The following FRMD5 variants were observed in gnomAD, a reference collection of about 807,000 sequenced individuals.
FRMD5 encodes the protein FERM domain containing 5.
A neutral mutation model predicts 69.0 loss-of-function variants in FRMD5; 20 were observed. The ratio of observed to expected loss-of-function variants is 0.29; its 90% CI spans 0.20 to 0.42. The LOEUF is 0.42. FRMD5 is among the 10% of genes least tolerant of loss of function. The pLI is 1.00. For missense variants in FRMD5, 595 were observed against 708.6 expected, an observed-to-expected ratio of 0.84 and a Z score of 1.82; for synonymous variants, 271 against 260.1, an observed-to-expected ratio of 1.04 and a Z score of -0.40.
chr15:43,924,207 G>C lies in FRMD5; in HGVS notation c.205C>G (p.Arg69Gly). 1 of 1,608,862 alleles carries C rather than the reference G, an allele frequency of 6.2e-7. No homozygotes were observed. The highest frequency in any genetic ancestry group is 1.7e-5 in the Admixed American group (1 of 60,002). ...GIRFVDPDKQ[R>G]HWLEFTKSVV... ...TTGTGCTTTGAATATTGACTTACCC[G>C]CTGCTTATCTGGGTCTACAAAGCGG... Residue 69 changes from arginine (R) to glycine (G), a missense_variant and splice_region_variant, in exon 2 of 14, where the codon CGG (arginine) becomes GGG (glycine). Physicochemically the swap from Arg to Gly is moderately radical, Grantham distance 125 (BLOSUM62 -2). Transcript: ENST00000417257.
At chr15:44,074,140 C>A (rs1259071347) in intron 1 of FRMD5, among the ~76,000 whole-genome samples, 1 of 152,140 alleles carries the variant, frequency 6.6e-6, no homozygotes. Context: ...GAAGCATTAC[C>A]ATGTTTATCT....
At position 44,194,842 on chromosome 15, in the gene FRMD5, C is replaced by T. The variant is rs1167256551; in HGVS notation, c.102+111G>A. 4 of 925,404 alleles carry T rather than the reference C, an allele frequency of 4.3e-6. No homozygotes were observed. In the East Asian group the frequency reaches 1.1e-4, roughly 25 times the overall value. 57.3% of individuals were successfully genotyped at this position (925,404 alleles called of 1,614,324 possible). On this transcript the variant is annotated intron_variant, in intron 1 of 13. Transcript: ENST00000417257. Reference sequence around the variant, plus strand: ...CCGCCGCAACCAGGAACGGACAAAGCACGGCGCTGGGGCTGGGGCGACCCC... The same window carrying T: ...CCGCCGCAACCAGGAACGGACAAAGTACGGCGCTGGGGCTGGGGCGACCCC...
At chr15:43,894,088 G>A (rs2088858610) in intron 7 of FRMD5, among the ~76,000 whole-genome samples, 1 of 152,186 alleles carries the variant, frequency 6.6e-6, no homozygotes, top group South Asian at 2.1e-4. Context: ...AAGCCACAGG[G>A]CTGATTTTCC....
chr15:44,161,227 A>T (rs2077611758), intron 1 of FRMD5, among the ~76,000 whole-genome samples: 1 of 151,758 alleles, frequency 6.6e-6, no homozygotes. Flanking sequence ...TTCCCAACCA[A>T]CTCCTACTTA....
At chr15:44,128,301 G>A (rs1019825267) in intron 1 of FRMD5, among the ~76,000 whole-genome samples, 11 of 152,092 alleles carry the variant, frequency 7.2e-5, no homozygotes, top group African/African-American at 2.2e-4. Flanking sequence ...CCAACATGGC[G>A]AAACCCTGTC....
intron 1 of FRMD5, among the ~76,000 whole-genome samples, chr15:43,951,984 G>GT (rs2090040045): frequency 1.9e-5 from 2 of 106,066 alleles, no homozygotes; most frequent in African/African-American, 1.4e-4. Context: ...TGTGTGTTGT[G>GT]TGTGTGTGTG....
At chr15:44,095,093 T>A (rs973426415) in intron 1 of FRMD5, among the ~76,000 whole-genome samples, 1 of 151,998 alleles carries the variant, frequency 6.6e-6, no homozygotes. Flanking sequence ...TCTAGAGCAT[T>A]TGAAAACATA....
intron 7 of FRMD5, among the ~76,000 whole-genome samples, chr15:43,893,314 C>T (rs929474041): frequency 6.6e-6 from 1 of 152,102 alleles, no homozygotes; most frequent in African/African-American, 2.4e-5. Context: ...CCCTGAGGTG[C>T]CTGAACCAAC....
At chr15:43,950,635 T>A (rs747106283) in intron 1 of FRMD5, among the ~76,000 whole-genome samples, 3 of 152,172 alleles carry the variant, frequency 2.0e-5, no homozygotes, top group African/African-American at 7.2e-5. Flanking sequence ...AGCGTTCCCA[T>A]TCAATGGATC....
At chr15:44,103,385 G>T (rs2076668813) in intron 1 of FRMD5, among the ~76,000 whole-genome samples, 1 of 152,118 alleles carries the variant, frequency 6.6e-6, no homozygotes, top group South Asian at 2.1e-4. Context: ...GGAGTTTTAT[G>T]GAATAGTTTT....
intron 1 of FRMD5, among the ~76,000 whole-genome samples, chr15:44,096,385 C>T (rs146367088): frequency 5.3e-5 from 8 of 150,476 alleles, no homozygotes; most frequent in African/African-American, 1.9e-4. Flanking sequence ...ACTGAAGGAT[C>T]AATCTAGTAC....
intron 1 of FRMD5, among the ~76,000 whole-genome samples, chr15:44,193,031 AT>A (rs1289434721): frequency 6.6e-6 from 1 of 152,070 alleles, no homozygotes; most frequent in Non-Finnish European, 1.5e-5. Context: ...ACTCAAAAAT[AT>A]TTTTTTTCTA....
chr15:44,134,745 C>T (rs2077157115), intron 1 of FRMD5, among the ~76,000 whole-genome samples: 1 of 152,168 alleles, frequency 6.6e-6, no homozygotes, highest in Admixed American at 6.5e-5. Flanking sequence ...CCAACGCGCC[C>T]AGCCCCGAGA....
upstream of FRMD5, among the ~76,000 whole-genome samples, chr15:44,198,941 G>A (rs1026133625): frequency 4.6e-5 from 7 of 152,106 alleles, no homozygotes; most frequent in South Asian, 6.2e-4. Flanking sequence ...AATATCAGCC[G>A]TCTTTTGAAT....
intron 1 of FRMD5, among the ~76,000 whole-genome samples, chr15:43,949,238 C>A (rs745934659): frequency 5.3e-5 from 8 of 152,196 alleles, no homozygotes; most frequent in Non-Finnish European, 1.0e-4. Context: ...ACATCCCTAG[C>A]AGTAACTGTG....
At chr15:44,004,740 A>C (rs956226222) in intron 1 of FRMD5, among the ~76,000 whole-genome samples, 1 of 152,222 alleles carries the variant, frequency 6.6e-6, no homozygotes, top group Non-Finnish European at 1.5e-5. Context: ...AATGGCCTGT[A>C]AGTGTTCAAG....
chr15:44,167,156 T>C (rs764142816), intron 1 of FRMD5, among the ~76,000 whole-genome samples: 2 of 151,996 alleles, frequency 1.3e-5, no homozygotes, highest in African/African-American at 2.4e-5. Flanking sequence ...AGCGCTGGAT[T>C]AAGAAAAATA....
At chr15:44,191,561 G>A (rs1009264798) in intron 1 of FRMD5, among the ~76,000 whole-genome samples, 2 of 151,760 alleles carry the variant, frequency 1.3e-5, no homozygotes, top group African/African-American at 4.8e-5. Context: ...ACTTCAGCCT[G>A]GGCAACAGAG....
intron 1 of FRMD5, among the ~76,000 whole-genome samples, chr15:44,159,191 G>C (rs559754195): frequency 2.0e-5 from 3 of 152,202 alleles, no homozygotes; most frequent in South Asian, 4.2e-4. Context: ...ATCTCTATTG[G>C]TGTACCTAAT....
Sources: gnomAD v4.1 joint callset for allele counts (sites outside exome capture counted in the v4.1 genomes callset) on GRCh38, gnomAD v4.1.1 for gene constraint, MANE v1.5 for transcripts, NCBI Gene and HGNC (gene_info 2026-07-23, HGNC 2026-07-21) for gene names.